Variants in GRIK4 observed in about 807,000 individuals in gnomAD.
The protein encoded by GRIK4 is glutamate ionotropic receptor kainate type subunit 4, also known as glutamate receptor ionotropic, kainate 4.
GRIK4 carries 40 observed loss-of-function variants against 104.9 expected under a neutral mutation model. The observed-to-expected ratio is 0.38, with a 90% CI of 0.30 to 0.50. The LOEUF (loss-of-function observed/expected upper bound fraction) is 0.50, where lower values mean the gene tolerates loss of function less well. Among genes scored for constraint, GRIK4 ranks in the 20% least tolerant of loss-of-function variants. The probability of loss-of-function intolerance (pLI) is 0.93; values close to 1 mark genes in which losing one functional copy is unlikely to be tolerated. For synonymous variants in GRIK4, 485 were observed against 524.9 expected (o/e 0.92, Z 1.04); for missense variants, 1,047 against 1,308.1 (o/e 0.80, Z 3.08).
intron 1 of GRIK4, among the ~76,000 whole-genome samples, chr11:120,565,588 A>G (rs552539842): frequency 2.6e-4 from 39 of 152,340 alleles, no homozygotes; most frequent in African/African-American, 8.9e-4. Context: ...TTACAGATCC[A>G]ATATTGTACG....
chr11:120,898,832 G>C (rs1317354665), intron 12 of GRIK4, among the ~76,000 whole-genome samples, 193 bp downstream of exon 12: 1 of 152,180 alleles, frequency 6.6e-6, no homozygotes, highest in African/African-American at 2.4e-5. Context: ...AGAGCAGGTG[G>C]GGGGAGGGTT....
chr11:120,606,846 G>A (rs1328068790), intron 1 of GRIK4, among the ~76,000 whole-genome samples: 2 of 152,224 alleles, frequency 1.3e-5, no homozygotes, highest in Non-Finnish European at 2.9e-5. Flanking sequence ...GGGCGTTCCA[G>A]TCAGGGCGTG....
chr11:120,623,183 C>T (rs934757150), intron 1 of GRIK4, among the ~76,000 whole-genome samples: 3 of 152,132 alleles, frequency 2.0e-5, no homozygotes, highest in Non-Finnish European at 4.4e-5. Flanking sequence ...TGCTCTGTTG[C>T]CCAGGCTGGA....
At chr11:120,596,302 A>G (rs1948800359) in intron 1 of GRIK4, among the ~76,000 whole-genome samples, 1 of 152,258 alleles carries the variant, frequency 6.6e-6, no homozygotes, top group Admixed American at 6.5e-5. Flanking sequence ...TGAAAAAGAA[A>G]TTGTCTCCAT....
chr11:120,752,276 G>A (rs1591867606), intron 3 of GRIK4, among the ~76,000 whole-genome samples: 1 of 152,212 alleles, frequency 6.6e-6, no homozygotes, highest in South Asian at 2.1e-4. Flanking sequence ...AGAGATCCCT[G>A]CAAATGAAGC....
At chr11:120,583,022 A>C (rs999125773) in intron 1 of GRIK4, among the ~76,000 whole-genome samples, 5 of 151,924 alleles carry the variant, frequency 3.3e-5, no homozygotes, top group Admixed American at 6.6e-5. Context: ...AGCATCTGTT[A>C]TTTTTTTACT....
rs1278616250 is a variant in GRIK4 at position 120,819,713 on chromosome 11, A to T, written c.346-42A>T. 1.9e-6 allele frequency: 3 copies of T among 1,601,370 alleles called. No individual in the cohort carries two copies. The highest frequency in any genetic ancestry group is 2.6e-6 in the Non-Finnish European group (3 of 1,168,976). ...CATCCCTCTTTCTTCCTTTTCACCC[A>T]CCTGGATCCTCCCTGCTGTCCGTTT... is the stretch of plus-strand genomic sequence containing the variant. On this transcript the variant is annotated intron_variant, in intron 5 of 20. Transcript: ENST00000527524. The surrounding 1 kb of genome is among the most constrained non-coding windows in gnomAD (Gnocchi z 4.3).
chr11:120,945,379 T>C (rs560590419), intron 14 of GRIK4, among the ~76,000 whole-genome samples: 3 of 152,360 alleles, frequency 2.0e-5, no homozygotes, highest in South Asian at 4.1e-4. Context: ...TATCCTCCGA[T>C]GGGAGGTATA....
intron 14 of GRIK4, among the ~76,000 whole-genome samples, chr11:120,951,536 T>C (rs974386019): frequency 2.0e-5 from 3 of 152,244 alleles, no homozygotes; most frequent in Non-Finnish European, 2.9e-5. Context: ...CTTAAACGCT[T>C]ACCTGTTCAT....
intron 3 of GRIK4, among the ~76,000 whole-genome samples, chr11:120,786,888 T>TATTGAG (rs1336048541): frequency 3.3e-5 from 5 of 152,252 alleles, no homozygotes; most frequent in African/African-American, 1.2e-4. Flanking sequence ...TAGCCATTAG[T>TATTGAG]ATTGAGCCCC....
At chr11:120,734,776 T>G (rs2135397837) in intron 3 of GRIK4, among the ~76,000 whole-genome samples, 1 of 152,276 alleles carries the variant, frequency 6.6e-6, no homozygotes, top group South Asian at 2.1e-4. Flanking sequence ...TCAGGCTCAC[T>G]AATTCCTCCT....
At chr11:120,917,264 A>AG (rs1565437539) in intron 13 of GRIK4, among the ~76,000 whole-genome samples, 2 of 147,336 alleles carry the variant, frequency 1.4e-5, no homozygotes, top group African/African-American at 5.1e-5. Context: ...AAAAAAAAAA[A>AG]AAAAAAAAGA....
intron 11 of GRIK4, among the ~76,000 whole-genome samples, chr11:120,888,888 C>A (rs1015620639): frequency 2.0e-5 from 3 of 152,204 alleles, no homozygotes; most frequent in African/African-American, 7.2e-5. Flanking sequence ...CACAGTTTAA[C>A]AAAATACTGC....
At chr11:120,531,512 A>C (rs1947923333) in intron 1 of GRIK4, among the ~76,000 whole-genome samples, 1 of 152,026 alleles carries the variant, frequency 6.6e-6, no homozygotes, top group African/African-American at 2.4e-5. Context: ...GGAAACTGAG[A>C]CTGGTGCAGT....
rs569214297 is a variant in GRIK4 at position 120,944,789 on chromosome 11, C to G, written c.1590+4329C>G. Among the ~76,000 whole-genome samples, 3 of 152,302 alleles carry G rather than the reference C, an allele frequency of 2.0e-5. No individual in the cohort carries two copies. In the South Asian group the frequency reaches 6.2e-4, roughly 32 times the overall value. On this transcript the variant is annotated intron_variant, in intron 14 of 20. Transcript: ENST00000527524. Reference sequence around the variant, plus strand: ...GGACCCAGACTGTCTGGGTTTATTCCCAGCTTTTACAGTTATTAGATGCAT... The same window carrying G: ...GGACCCAGACTGTCTGGGTTTATTCGCAGCTTTTACAGTTATTAGATGCAT...
chr11:120,702,156 A>G (rs908869250), intron 3 of GRIK4, among the ~76,000 whole-genome samples: 1 of 152,116 alleles, frequency 6.6e-6, no homozygotes, highest in Non-Finnish European at 1.5e-5. Flanking sequence ...GGGTTTCACC[A>G]TGTTGGCCAG....
chr11:120,733,327 A>G (rs1591844780), intron 3 of GRIK4, among the ~76,000 whole-genome samples: 6 of 151,772 alleles, frequency 4.0e-5, no homozygotes, highest in African/African-American at 1.2e-4. Flanking sequence ...CAATGTTATT[A>G]TTGATAAGTA....
chr11:120,599,837 C>A lies in GRIK4; in HGVS notation c.-158-53848C>A, dbSNP rs2135127282. Among the ~76,000 whole-genome samples, 6 of 152,340 alleles carry A rather than the reference C, an allele frequency of 3.9e-5. No homozygotes were observed. In the Middle Eastern group the frequency reaches 0.014, roughly 345 times the overall value. ...AAGCTCAGCCTTCTTGGGTGACTCA[C>A]CCGAGCAAGGAGCAAGTCAAACTCA... On this transcript the variant is annotated intron_variant, in intron 1 of 20. Transcript: ENST00000527524.
At chr11:120,657,799 G>A (rs1949736466) in intron 2 of GRIK4, among the ~76,000 whole-genome samples, 1 of 152,200 alleles carries the variant, frequency 6.6e-6, no homozygotes, top group South Asian at 2.1e-4. Context: ...GTTGGGGGAG[G>A]CGGAGTGTCC....
Sources: allele counts gnomAD v4.1 joint callset (sites outside exome capture counted in the v4.1 genomes callset), GRCh38; gene constraint gnomAD v4.1.1; non-coding constraint Gnocchi (gnomAD v3.1); transcripts MANE v1.5; gene names NCBI Gene and HGNC (gene_info 2026-07-23, HGNC 2026-07-21).